Variants in MED13L observed in about 807,000 individuals in gnomAD.
The protein encoded by MED13L is mediator of RNA polymerase II transcription subunit 13-like.
Under a neutral mutation model 220.9 loss-of-function variants are expected in MED13L, and 7 were observed. The ratio of observed to expected loss-of-function variants is 0.03; its 90% confidence interval spans 0.02 to 0.06. The LOEUF is 0.06. Among genes scored for constraint, MED13L ranks in the 10% least tolerant of loss-of-function variants. The pLI is 1.00. For missense variants in MED13L, 1,965 were observed against 2,760.5 expected, an observed-to-expected ratio of 0.71 and a Z score of 6.46; for synonymous variants, 1,011 against 1,015.2, an observed-to-expected ratio of 1.00 and a Z score of 0.08.
intron 2 of MED13L, among the ~76,000 whole-genome samples, chr12:116,154,061 A>G (rs544789454): frequency 5.9e-5 from 9 of 152,368 alleles, no homozygotes; most frequent in African/African-American, 1.9e-4. Context: ...CATTAACAAC[A>G]GTTTATACTT....
chr12:116,215,861 T>C (rs1882959703), intron 2 of MED13L, among the ~76,000 whole-genome samples: 1 of 152,154 alleles, frequency 6.6e-6, no homozygotes, highest in African/African-American at 2.4e-5. Flanking sequence ...CCCCAATTTA[T>C]TTAACATATT....
chr12:116,129,511 C>T (rs117939718), intron 2 of MED13L, among the ~76,000 whole-genome samples: 3,136 of 152,282 alleles, frequency 0.021, 57 homozygotes, highest in Middle Eastern at 0.048. Flanking sequence ...AGACATATAA[C>T]ACACAGACAC....
chr12:116,060,060 T>C (rs1240610543), intron 4 of MED13L, among the ~76,000 whole-genome samples: 1 of 152,138 alleles, frequency 6.6e-6, no homozygotes, highest in Non-Finnish European at 1.5e-5. Flanking sequence ...AGGTGCAGTA[T>C]GCAGTTTCAC....
At chr12:116,114,754 C>T (rs996655808) in intron 2 of MED13L, among the ~76,000 whole-genome samples, 7 of 152,060 alleles carry the variant, frequency 4.6e-5, no homozygotes, top group Non-Finnish European at 2.9e-5. Flanking sequence ...CTGAGTTTAG[C>T]CAAATCACTG....
rs753138376 is a variant in MED13L, at chr12:115,987,297, G to C, written c.3935-9C>G. The C allele has an allele frequency of 1.2e-6, 2 of 1,610,790 alleles. No individual in the cohort carries two copies. Among genetic ancestry groups the C allele is most frequent in the Non-Finnish European group, 1.7e-6 (2 of 1,179,146 alleles). Reference sequence around the variant, plus strand: ...CATGCTGATGTCCAGCACTGGAAGAGAAGTGAGAAGAAACAGAGAAGATAA... The same window carrying C: ...CATGCTGATGTCCAGCACTGGAAGACAAGTGAGAAGAAACAGAGAAGATAA... On this transcript the variant is annotated splice_polypyrimidine_tract_variant and intron_variant, in intron 17 of 30. Transcript: ENST00000281928.
At chr12:116,187,553 C>G (rs963181723) in intron 2 of MED13L, among the ~76,000 whole-genome samples, 30 of 152,232 alleles carry the variant, frequency 2.0e-4, no homozygotes, top group African/African-American at 7.2e-4. Context: ...GCTTTTAAGT[C>G]TTTCTCTGCA....
At chr12:116,221,373 TAA>T (rs78623635) in intron 2 of MED13L, among the ~76,000 whole-genome samples, 41 of 132,224 alleles carry the variant, frequency 3.1e-4, no homozygotes, top group Middle Eastern at 4.3e-3. Context: ...GACCCTGTCT[TAA>T]AAAAAAAAAA....
chr12:116,136,982 T>C (rs1430001539), intron 2 of MED13L, among the ~76,000 whole-genome samples: 2 of 152,140 alleles, frequency 1.3e-5, no homozygotes, highest in African/African-American at 4.8e-5. Context: ...TCAGTAAAAA[T>C]TTAAAAACCA....
At chr12:116,007,125 G>T in intron 11 of MED13L, 1 of 443,982 alleles carries the variant, frequency 2.3e-6, no homozygotes, top group Non-Finnish European at 4.1e-6. Context: ...AGGGAGCATA[G>T]GCCAACAAGA....
intron 1 of MED13L, among the ~76,000 whole-genome samples, chr12:116,267,020 A>G (rs1480448652): frequency 6.6e-6 from 1 of 152,238 alleles, no homozygotes; most frequent in Non-Finnish European, 1.5e-5. Context: ...GAAGAAAAAT[A>G]TATTTATTAA....
At chr12:116,205,532 G>GAAAAAAAAAAAAAAAAAAGAAAAAA (rs34982320) in intron 2 of MED13L, among the ~76,000 whole-genome samples, 1 of 94,024 alleles carries the variant, frequency 1.1e-5, no homozygotes. Flanking sequence ...CAAAGGAAGA[G>GAAAAAAAAAAAAAAAAAAGAAAAAA]AAAAAAAAAA....
intron 3 of MED13L, among the ~76,000 whole-genome samples, chr12:116,102,710 C>CTTTT (rs869201518): frequency 2.9e-3 from 199 of 68,584 alleles, no homozygotes; most frequent in East Asian, 4.7e-3. Context: ...TTTCTTTTTT[C>CTTTT]TTTTTTTTTT....
chr12:116,056,887 G>C (rs1305193266), intron 4 of MED13L, among the ~76,000 whole-genome samples: 1 of 152,126 alleles, frequency 6.6e-6, no homozygotes, highest in Admixed American at 6.5e-5. Context: ...TGTGATCTTT[G>C]TTTCTTTCCT....
intron 4 of MED13L, among the ~76,000 whole-genome samples, chr12:116,043,694 CTA>C (rs1322075904): frequency 1.3e-5 from 2 of 152,252 alleles, no homozygotes; most frequent in East Asian, 3.9e-4. Flanking sequence ...TTTATCTTGA[CTA>C]TGTATAAATA....
chr12:115,984,607 T>A (rs373728414), intron 19 of MED13L, among the ~76,000 whole-genome samples: 95 of 151,920 alleles, frequency 6.3e-4, no homozygotes, highest in Non-Finnish European at 8.2e-4. Context: ...AAAAAAAAAA[T>A]GTTTCTTCAC....
In MED13L at chr12:115,959,942, C is replaced by G. The variant is rs567397329; in HGVS notation, c.*1324G>C. The G allele has an allele frequency of 6.6e-5, 10 of 152,622 alleles. No individual in the cohort carries two copies. The South Asian group carries it at 2.1e-3, about 32-fold the overall frequency. 9.5% of individuals were successfully genotyped at this position (152,622 alleles called of 1,614,324 possible). A position where few individuals can be genotyped will look rare whatever the true frequency, so the allele number is the denominator to read the frequency against. On this transcript the variant is annotated 3_prime_UTR_variant, in exon 31 of 31. Coordinates refer to ENST00000281928, the MANE Select transcript of MED13L (RefSeq NM_015335.5). ...CTCAAAGGCCTGGTCACAGTGGCTC[C>G]CGGGAGGCCAGTACACACCCACTGT...
At chr12:116,030,522 A>G (rs577560360) in intron 4 of MED13L, among the ~76,000 whole-genome samples, 4 of 152,324 alleles carry the variant, frequency 2.6e-5, no homozygotes, top group African/African-American at 7.2e-5. Flanking sequence ...AAACGGAAGG[A>G]AGAAAATAAT....
rs1355422850 is a variant in MED13L, at chr12:115,983,323, A to C, written c.4749T>G (p.Ser1583=). 6.2e-7 allele frequency: 1 copy of C among 1,614,216 alleles called. No homozygotes were observed. Among genetic ancestry groups the C allele is most frequent in the Non-Finnish European group, 8.5e-7 (1 of 1,180,024 alleles). ...PAASSSASGS[S]VPPVSSSASA... ...AGGCAGACGATGAGACCGGTGGCAC[A>C]GAGGAACCAGATGCAGAACTACTTG... Residue 1583 remains serine (S), a synonymous_variant, in exon 21 of 31, where the codon TCT becomes TCG. Transcript: ENST00000281928.
chr12:116,004,909 T>A (rs1335910122), intron 13 of MED13L, among the ~76,000 whole-genome samples: 1 of 152,198 alleles, frequency 6.6e-6, no homozygotes, highest in African/African-American at 2.4e-5. Flanking sequence ...CTTGGTCACG[T>A]CGTATCTGAA....
Sources: gnomAD v4.1 joint callset for allele counts (sites outside exome capture counted in the v4.1 genomes callset) on GRCh38, gnomAD v4.1.1 for gene constraint, MANE v1.5 for transcripts, NCBI Gene and HGNC (gene_info 2026-07-23, HGNC 2026-07-21) for gene names.